ARL15: variants seen among roughly 807,000 people sequenced by gnomAD.
ARL15 encodes ARF like GTPase 15.
Under a neutral mutation model 25.2 loss-of-function variants are expected in ARL15, and 19 were observed. The observed-to-expected ratio is 0.75, with a 90% CI of 0.53 to 1.10. ARL15 has a LOEUF of 1.10. Ranked by LOEUF, ARL15 falls within the 50% of genes least tolerant of loss-of-function variation. ARL15 has a pLI of 0.00. For synonymous variants in ARL15, 94 were observed against 86.8 expected (o/e 1.08, Z -0.46); for missense variants, 220 against 246.0 (o/e 0.89, Z 0.71).
chr5:54,247,102 G>A (rs1410336599), intron 1 of ARL15, among the ~76,000 whole-genome samples: 1 of 151,812 alleles, frequency 6.6e-6, no homozygotes, highest in Non-Finnish European at 1.5e-5. Flanking sequence ...AATTTCTTTT[G>A]TATCTTGGAT....
chr5:54,080,981 C>T (rs1282682877), intron 4 of ARL15, among the ~76,000 whole-genome samples: 1 of 152,136 alleles, frequency 6.6e-6, no homozygotes, highest in Non-Finnish European at 1.5e-5. Flanking sequence ...AAAGAGAGCT[C>T]TTTCACTCCT....
At chr5:53,937,186 T>C (rs1746376072) in intron 4 of ARL15, among the ~76,000 whole-genome samples, 1 of 152,164 alleles carries the variant, frequency 6.6e-6, no homozygotes, top group South Asian at 2.1e-4. Flanking sequence ...AATTACAAAA[T>C]GGGCCTTCCA....
intron 4 of ARL15, among the ~76,000 whole-genome samples, chr5:54,063,618 A>T (rs1050673491): frequency 3.1e-5 from 4 of 130,812 alleles, no homozygotes; most frequent in African/African-American, 6.0e-5. Context: ...CAAACTCCTA[A>T]TTCAACACTG....
At chr5:54,148,843 T>C (rs1305950908) in intron 3 of ARL15, among the ~76,000 whole-genome samples, 1 of 152,208 alleles carries the variant, frequency 6.6e-6, no homozygotes, top group Non-Finnish European at 1.5e-5. Context: ...TGGGTCCTTA[T>C]CAATAAATAA....
At chr5:54,228,623 A>G (rs1756588737) in intron 1 of ARL15, among the ~76,000 whole-genome samples, 1 of 151,898 alleles carries the variant, frequency 6.6e-6, no homozygotes, top group African/African-American at 2.4e-5. Context: ...TAGCTATCTG[A>G]AATAGTTCTA....
chr5:54,001,837 A>G (rs1243592887), intron 4 of ARL15, among the ~76,000 whole-genome samples: 1 of 152,220 alleles, frequency 6.6e-6, no homozygotes, highest in Non-Finnish European at 1.5e-5. Flanking sequence ...AAAGGAAAAT[A>G]ACTGAGGTCA....
intron 1 of ARL15, among the ~76,000 whole-genome samples, chr5:54,230,301 G>A (rs1264307300): frequency 7.6e-5 from 11 of 145,310 alleles, no homozygotes; most frequent in Non-Finnish European, 1.0e-4. Context: ...AGCCCAGATC[G>A]CGCCACTGCA....
intron 1 of ARL15, among the ~76,000 whole-genome samples, chr5:54,211,781 A>G (rs944145545): frequency 6.6e-6 from 1 of 152,132 alleles, no homozygotes; most frequent in Admixed American, 6.5e-5. Flanking sequence ...CAAATGAAAT[A>G]CTTTTATACT....
intron 1 of ARL15, among the ~76,000 whole-genome samples, chr5:54,217,611 T>G (rs1006743062): frequency 1.3e-5 from 2 of 152,104 alleles, no homozygotes; most frequent in African/African-American, 4.8e-5. Context: ...TCAAAAGTAT[T>G]CCATTTGCAA....
chr5:53,937,947 C>A (rs1307218956), intron 4 of ARL15, among the ~76,000 whole-genome samples: 1 of 152,030 alleles, frequency 6.6e-6, no homozygotes, highest in African/African-American at 2.4e-5. Flanking sequence ...CTGGGGTAAA[C>A]AATTTCCATG....
chr5:53,958,472 A>G (rs1215387773), intron 4 of ARL15, among the ~76,000 whole-genome samples: 1 of 152,230 alleles, frequency 6.6e-6, no homozygotes, highest in Non-Finnish European at 1.5e-5. Flanking sequence ...CCACTAAAAC[A>G]TCAACTAAAC....
chr5:53,978,045 C>A (rs1274762579), intron 4 of ARL15, among the ~76,000 whole-genome samples: 1 of 152,118 alleles, frequency 6.6e-6, no homozygotes, highest in Non-Finnish European at 1.5e-5. Flanking sequence ...GTTTTAGTCT[C>A]CAGCTAACAC....
In ARL15 at chr5:54,161,998, TACAC is replaced by T. The variant is rs3839223; in HGVS notation, c.194-7363_194-7360del. 2.1e-3 allele frequency among the ~76,000 whole-genome samples: 308 copies of T among 144,674 alleles called. 3 individuals carry two copies. The highest frequency in any genetic ancestry group is 6.8e-3 in the African/African-American group (271 of 39,688). The allele number at this position is 144,674 out of a possible 152,430, so 94.9% of individuals were successfully genotyped here. ...GTTCTTCTTTACTTACACACACACATACACACACACACACACACACACACACAGA... is the reference window on the plus strand; with the variant it reads ...GTTCTTCTTTACTTACACACACACATACACACACACACACACACACACAGA... On this transcript the variant is annotated intron_variant, in intron 2 of 4. Transcript: ENST00000504924.
chr5:54,211,094 T>C (rs1314346442), intron 1 of ARL15, among the ~76,000 whole-genome samples: 2 of 152,238 alleles, frequency 1.3e-5, no homozygotes, highest in Non-Finnish European at 2.9e-5. Flanking sequence ...AAAGACAGAC[T>C]GTCCAATTAT....
intron 3 of ARL15, among the ~76,000 whole-genome samples, chr5:54,135,226 C>G (rs1001620622): frequency 2.2e-4 from 34 of 152,044 alleles, no homozygotes; most frequent in Non-Finnish European, 7.4e-5. Flanking sequence ...GTTTTGACAG[C>G]TTATCCAACA....
intron 4 of ARL15, among the ~76,000 whole-genome samples, chr5:54,069,336 C>G (rs962876160): frequency 3.3e-5 from 5 of 151,960 alleles, no homozygotes; most frequent in African/African-American, 1.2e-4. Flanking sequence ...TTTGGCAGGC[C>G]AAGGAGGGTG....
At chr5:54,144,764 C>T (rs888950082) in intron 3 of ARL15, among the ~76,000 whole-genome samples, 2 of 152,162 alleles carry the variant, frequency 1.3e-5, no homozygotes, top group African/African-American at 4.8e-5. Flanking sequence ...TTCTAACCCA[C>T]CTGGCAGTCA....
intron 3 of ARL15, among the ~76,000 whole-genome samples, chr5:54,148,869 G>A (rs1005453705): frequency 3.9e-5 from 6 of 152,178 alleles, no homozygotes; most frequent in African/African-American, 1.4e-4. Context: ...CACCAAACAT[G>A]TTAAGAACTA....
intron 4 of ARL15, among the ~76,000 whole-genome samples, chr5:53,944,454 T>C (rs1031639956): frequency 6.6e-6 from 1 of 151,742 alleles, no homozygotes; most frequent in Non-Finnish European, 1.5e-5. Context: ...CTACAAAAAA[T>C]ACAAAAAATT....
Sources: allele counts gnomAD v4.1 joint callset (sites outside exome capture counted in the v4.1 genomes callset), GRCh38; gene constraint gnomAD v4.1.1; transcripts MANE v1.5; gene names NCBI Gene and HGNC (gene_info 2026-07-23, HGNC 2026-07-21).